Variants in ANTXR2 observed in about 807,000 individuals in gnomAD.
ANTXR2 encodes ANTXR cell adhesion molecule 2.
In ANTXR2, 44 loss-of-function variants were observed where a neutral mutation model predicts 73.7. The ratio of observed to expected loss-of-function variants is 0.60; its 90% CI spans 0.47 to 0.77. ANTXR2 has a LOEUF of 0.77. Among genes scored for constraint, ANTXR2 ranks in the 30% least tolerant of loss-of-function variants. ANTXR2 has a pLI of 0.00. For missense variants in ANTXR2, 604 were observed against 592.5 expected, an observed-to-expected ratio of 1.02 and a Z score of -0.20; for synonymous variants, 217 against 205.9, an observed-to-expected ratio of 1.05 and a Z score of -0.46.
intron 16 of ANTXR2, among the ~76,000 whole-genome samples, chr4:79,959,177 G>T (rs1204906097): frequency 6.6e-6 from 1 of 151,922 alleles, no homozygotes; most frequent in Non-Finnish European, 1.5e-5. Flanking sequence ...ATGTTCAATA[G>T]ATTTAATTAT....
At chr4:79,989,760 A>G (rs902773919) in intron 12 of ANTXR2, among the ~76,000 whole-genome samples, 2 of 152,114 alleles carry the variant, frequency 1.3e-5, no homozygotes, top group African/African-American at 4.8e-5. Context: ...CAAATCTAGC[A>G]GTGTATCAAA....
At chr4:80,001,064 A>G (rs937133553) in intron 12 of ANTXR2, among the ~76,000 whole-genome samples, 3 of 152,094 alleles carry the variant, frequency 2.0e-5, no homozygotes, top group Non-Finnish European at 4.4e-5. Context: ...AATTCTACTC[A>G]GTATATGAAG....
At chr4:80,067,741 T>A (rs898068204) in intron 3 of ANTXR2, among the ~76,000 whole-genome samples, 2 of 152,036 alleles carry the variant, frequency 1.3e-5, no homozygotes, top group African/African-American at 4.8e-5. Flanking sequence ...CTCAGCAAAC[T>A]AACACAGGAA....
At chr4:79,959,782 G>A (rs1729076730) in intron 16 of ANTXR2, among the ~76,000 whole-genome samples, 1 of 152,304 alleles carries the variant, frequency 6.6e-6, no homozygotes, top group South Asian at 2.1e-4. Flanking sequence ...ACAACAGGGG[G>A]TCAAAGCGGA....
intron 16 of ANTXR2, among the ~76,000 whole-genome samples, chr4:79,949,990 A>G (rs1390693814): frequency 6.6e-6 from 1 of 152,164 alleles, no homozygotes; most frequent in African/African-American, 2.4e-5. Context: ...AAGGGACAAG[A>G]ACAGCTATCA....
At chr4:79,966,677 A>ACTCTGTTCG in intron 16 of ANTXR2, among the ~76,000 whole-genome samples, 1 of 152,234 alleles carries the variant, frequency 6.6e-6, no homozygotes. Flanking sequence ...GAGTCTCAAT[A>ACTCTGTTCG]CAGATTATAT....
chr4:79,966,433 G>C (rs1729368733), intron 16 of ANTXR2, among the ~76,000 whole-genome samples: 1 of 152,110 alleles, frequency 6.6e-6, no homozygotes, highest in Admixed American at 6.5e-5. Flanking sequence ...CTCGTGCATA[G>C]ATAAAGCATT....
chr4:80,047,159 AAAGTG>A (rs1463381929), intron 7 of ANTXR2, among the ~76,000 whole-genome samples: 1 of 151,764 alleles, frequency 6.6e-6, no homozygotes, highest in African/African-American at 2.4e-5. Context: ...TTATTTATTC[AAAGTG>A]GATTTAATTT....
intron 12 of ANTXR2, among the ~76,000 whole-genome samples, chr4:79,991,521 C>T (rs1326603745): frequency 6.6e-6 from 1 of 152,084 alleles, no homozygotes; most frequent in Non-Finnish European, 1.5e-5. Flanking sequence ...TAAATTAGTT[C>T]AGCCATTGTG....
At chr4:79,989,575 C>T (rs571318297) in intron 12 of ANTXR2, among the ~76,000 whole-genome samples, 1 of 152,136 alleles carries the variant, frequency 6.6e-6, no homozygotes, top group South Asian at 2.1e-4. Flanking sequence ...TGGTACCAAT[C>T]CTACTGAAAC....
At position 79,902,130 on chromosome 4, in the gene ANTXR2, G is replaced by T. The variant is rs145084000; in HGVS notation, c.*5299C>A. ...TTAATAACTTTAACAATTTATTTTGGATCACCCACTGACATTTACAATGTT... is the reference window on the plus strand; with the variant it reads ...TTAATAACTTTAACAATTTATTTTGTATCACCCACTGACATTTACAATGTT... On this transcript the variant is annotated 3_prime_UTR_variant, in exon 17 of 17. Transcript: ENST00000403729. 5 of 152,048 alleles carry T rather than the reference G, an allele frequency of 3.3e-5. No individual in the cohort carries two copies. Among genetic ancestry groups the T allele is most frequent in the Admixed American group, 6.6e-5 (1 of 15,264 alleles). The allele number at this position is 152,048 out of a possible 1,614,324, so 9.4% of individuals were successfully genotyped here.
chr4:80,070,519 C>T (rs1181164385), intron 2 of ANTXR2, among the ~76,000 whole-genome samples: 2 of 152,164 alleles, frequency 1.3e-5, no homozygotes, highest in African/African-American at 4.8e-5. Flanking sequence ...GACATAGGAT[C>T]TTGTTTGTTT....
intron 16 of ANTXR2, among the ~76,000 whole-genome samples, chr4:79,973,397 A>G (rs1257148203): frequency 6.7e-6 from 1 of 149,268 alleles, no homozygotes; most frequent in East Asian, 1.9e-4. Flanking sequence ...GACCTGGTTG[A>G]TGATGTGGAG....
intron 16 of ANTXR2, among the ~76,000 whole-genome samples, chr4:79,974,043 G>A (rs1215924206): frequency 6.6e-6 from 1 of 152,116 alleles, no homozygotes; most frequent in Admixed American, 6.5e-5. Context: ...ATTCAGCAAG[G>A]AATTTAACAC....
intron 13 of ANTXR2, among the ~76,000 whole-genome samples, chr4:79,984,353 G>T (rs781510133): frequency 6.6e-6 from 1 of 152,152 alleles, no homozygotes; most frequent in African/African-American, 2.4e-5. Flanking sequence ...TGGACTCTAT[G>T]AAATTTGAAC....
At chr4:79,998,874 C>T (rs73829337) in intron 12 of ANTXR2, among the ~76,000 whole-genome samples, 12,736 of 151,958 alleles carry the variant, frequency 0.084, 646 homozygotes, top group Middle Eastern at 0.23. Context: ...CCTAAATATT[C>T]AAATTTACAT....
chr4:79,937,361 T>C (rs950891414), intron 16 of ANTXR2, among the ~76,000 whole-genome samples: 6 of 152,202 alleles, frequency 3.9e-5, no homozygotes, highest in African/African-American at 1.2e-4. Flanking sequence ...TATCCATAAA[T>C]GTTTAGGCTA....
chr4:80,019,944 T>C (rs151169191), intron 10 of ANTXR2, among the ~76,000 whole-genome samples: 1 of 152,300 alleles, frequency 6.6e-6, no homozygotes, highest in African/African-American at 2.4e-5. Flanking sequence ...CTAGAGTTAG[T>C]AATTTTTTAT....
At chr4:80,065,315 T>G (rs1189636810) in intron 3 of ANTXR2, among the ~76,000 whole-genome samples, 3 of 152,194 alleles carry the variant, frequency 2.0e-5, no homozygotes, top group Non-Finnish European at 4.4e-5. Flanking sequence ...GAATCAACAC[T>G]TGGCATTTTT....
Sources: allele counts gnomAD v4.1 joint callset (sites outside exome capture counted in the v4.1 genomes callset), GRCh38; gene constraint gnomAD v4.1.1; transcripts MANE v1.5; gene names NCBI Gene and HGNC (gene_info 2026-07-23, HGNC 2026-07-21).